PLA1A: variants seen among roughly 807,000 people sequenced by gnomAD.
PLA1A encodes phosphatidylserine-specific phospholipase A1alpha.
In PLA1A, 47 loss-of-function variants were observed where a neutral mutation model predicts 49.4. The observed-to-expected ratio is 0.95, with a 90% CI of 0.75 to 1.21. The LOEUF (loss-of-function observed/expected upper bound fraction) is 1.21, where lower values mean the gene tolerates loss of function less well. Among genes scored for constraint, PLA1A ranks in the 50% most tolerant of loss-of-function variants. PLA1A has a pLI of 0.00. For synonymous variants in PLA1A, 224 were observed against 207.9 expected (o/e 1.08, Z -0.67); for missense variants, 561 against 563.9 (o/e 0.99, Z 0.05).
intron 1 of PLA1A, among the ~76,000 whole-genome samples, chr3:119,600,805 T>G (rs2082608305): frequency 6.6e-6 from 1 of 152,192 alleles, no homozygotes; most frequent in African/African-American, 2.4e-5. Flanking sequence ...ATAGCACAGC[T>G]CTGTCTGTGG....
At chr3:119,604,794 C>T (rs114411652) in intron 1 of PLA1A, among the ~76,000 whole-genome samples, 11 of 152,258 alleles carry the variant, frequency 7.2e-5, no homozygotes, top group African/African-American at 2.6e-4. Context: ...AGGAGTTTCT[C>T]TTTGTAATGG....
rs368245262 is a variant in PLA1A, at chr3:119,608,807, A to G, written c.313A>G (p.Ile105Val). 1 of 1,613,868 alleles carries G rather than the reference A, an allele frequency of 6.2e-7. No individual in the cohort carries two copies. Among genetic ancestry groups the G allele is most frequent in the Non-Finnish European group, 8.5e-7 (1 of 1,179,900 alleles). ...AAAGCCTTCCTGGATTGACACATTTATTAGAACCCTTCTGCGTGCAACGAA... is the reference window on the plus strand; with the variant it reads ...AAAGCCTTCCTGGATTGACACATTTGTTAGAACCCTTCTGCGTGCAACGAA... ...GTKPSWIDTF[I>V]RTLLRATNAN... Residue 105 changes from isoleucine to valine, a missense_variant, in exon 3 of 11, where the codon ATT (isoleucine) becomes GTT (valine). By Grantham distance (29) the Ile-to-Val change is conservative. Transcript: ENST00000273371.
chr3:119,625,207 A>T lies in PLA1A; in HGVS notation c.1096A>T (p.Ile366Phe). 1 of 1,611,374 alleles carries T rather than the reference A, an allele frequency of 6.2e-7. No individual in the cohort carries two copies. Among genetic ancestry groups the T allele is most frequent in the Non-Finnish European group, 8.5e-7 (1 of 1,177,502 alleles). ...NIEVTFLSSN[I>F]TSSSKITIPK... ...CGAGGTTACCTTCCTTAGCAGTAAC[A>T]TCACCTCTTCATCTAAGATCACCAT... Residue 366 changes from isoleucine to phenylalanine, a missense_variant, in exon 9 of 11, where the codon ATC becomes TTC. Physicochemically the swap from Ile to Phe is conservative, Grantham distance 21. Coordinates refer to ENST00000273371, the MANE Select transcript of PLA1A (RefSeq NM_015900.4).
intron 9 of PLA1A, among the ~76,000 whole-genome samples, chr3:119,625,478 A>G (rs979019921): frequency 5.3e-5 from 8 of 152,188 alleles, no homozygotes; most frequent in Non-Finnish European, 1.2e-4. Flanking sequence ...CAGGGATGGC[A>G]TGTCCCAACA....
At chr3:119,627,099 T>C (rs1457951846) in intron 9 of PLA1A, among the ~76,000 whole-genome samples, 1 of 152,136 alleles carries the variant, frequency 6.6e-6, no homozygotes, top group Non-Finnish European at 1.5e-5. Context: ...GCTCCACAGC[T>C]ACATTTTAAA....
chr3:119,598,822 C>T (rs980994857), intron 1 of PLA1A, among the ~76,000 whole-genome samples: 1 of 152,128 alleles, frequency 6.6e-6, no homozygotes, highest in South Asian at 2.1e-4. Context: ...TTCCTATCTC[C>T]CTTGTACTCA....
At position 119,606,860 on chromosome 3, in the gene PLA1A, C is replaced by A; in HGVS notation, c.160C>A (p.Leu54Ile). The change falls in exon 2 of 11, where the codon CTC becomes ATC. Residue 54 changes from leucine to isoleucine, a missense_variant. By Grantham distance (5) the Leu-to-Ile change is conservative. Coordinates refer to ENST00000273371, the MANE Select transcript of PLA1A (RefSeq NM_015900.4). ...FEGTDLKVQF[L>I]LFVPSNPSCG... ...AGGCACCGATCTCAAAGTCCAGTTT[C>A]TCCTCTTTGTCCCTTCGAATCCTAG... The A allele has an allele frequency of 6.2e-7, 1 of 1,614,174 alleles. No individual in the cohort carries two copies. Among genetic ancestry groups the A allele is most frequent in the Non-Finnish European group, 8.5e-7 (1 of 1,180,026 alleles).
intron 1 of PLA1A, among the ~76,000 whole-genome samples, chr3:119,604,514 G>A (rs543957915): frequency 1.3e-5 from 2 of 152,274 alleles, no homozygotes; most frequent in East Asian, 1.9e-4. Flanking sequence ...CCAAGCACAG[G>A]AAGACAAATA....
At chr3:119,612,788 TC>T (rs921976367) in intron 4 of PLA1A, among the ~76,000 whole-genome samples, 3 of 151,988 alleles carry the variant, frequency 2.0e-5, no homozygotes, top group Non-Finnish European at 4.4e-5. Context: ...GCGCCCAGCC[TC>T]AAGCTCATCT....
chr3:119,610,166 T>C (rs372359566), intron 4 of PLA1A, among the ~76,000 whole-genome samples: 1 of 152,248 alleles, frequency 6.6e-6, no homozygotes, highest in African/African-American at 2.4e-5. Context: ...CATTCTTTTT[T>C]ATAGCTGTGT....
At chr3:119,623,982 C>T (rs1362146430) in intron 8 of PLA1A, among the ~76,000 whole-genome samples, 1 of 152,272 alleles carries the variant, frequency 6.6e-6, no homozygotes, top group East Asian at 1.9e-4. Context: ...GCCTTGGCCT[C>T]CCAAAGTGCT....
chr3:119,627,125 T>G (rs1463118332), intron 9 of PLA1A, among the ~76,000 whole-genome samples: 1 of 152,146 alleles, frequency 6.6e-6, no homozygotes, highest in East Asian at 1.9e-4. Flanking sequence ...CCCGAGTAAT[T>G]CCAGTCAACA....
intron 8 of PLA1A, among the ~76,000 whole-genome samples, chr3:119,621,909 G>A (rs951750167): frequency 5.3e-5 from 8 of 152,126 alleles, no homozygotes; most frequent in Non-Finnish European, 7.3e-5. Context: ...CTCCCTTGGG[G>A]CCTCCAGGGT....
chr3:119,622,523 T>C (rs972521277), intron 8 of PLA1A, among the ~76,000 whole-genome samples: 2 of 152,188 alleles, frequency 1.3e-5, no homozygotes, highest in Non-Finnish European at 2.9e-5. Context: ...TGGCACCTTT[T>C]GGTGAGCCCT....
intron 1 of PLA1A, among the ~76,000 whole-genome samples, chr3:119,601,321 G>A (rs2082615914): frequency 6.6e-6 from 1 of 152,204 alleles, no homozygotes; most frequent in Non-Finnish European, 1.5e-5. Flanking sequence ...TGGGAACCAT[G>A]AGCAGCCCAG....
chr3:119,603,792 A>G (rs538593921), intron 1 of PLA1A, among the ~76,000 whole-genome samples: 5 of 152,386 alleles, frequency 3.3e-5, no homozygotes, highest in African/African-American at 9.6e-5. Flanking sequence ...GAATGAAGCA[A>G]GGCAAAGAAA....
In PLA1A at chr3:119,619,661, G is replaced by A. The variant is rs1275476063; in HGVS notation, c.1012+9G>A. The A allele has an allele frequency of 6.4e-7, 1 of 1,573,148 alleles. No individual in the cohort carries two copies. Among genetic ancestry groups the A allele is most frequent in the Non-Finnish European group, 8.8e-7 (1 of 1,142,422 alleles). On this transcript the variant is annotated intron_variant, in intron 8 of 10. Transcript: ENST00000273371. ...CAGTGCTCCGTACTGCAGTGAGTAGGGGGAAATGCATGAGCTCAGCTCTGC... is the reference window on the plus strand; with the variant it reads ...CAGTGCTCCGTACTGCAGTGAGTAGAGGGAAATGCATGAGCTCAGCTCTGC...
chr3:119,626,434 G>A (rs1473316013), intron 9 of PLA1A, among the ~76,000 whole-genome samples: 1 of 152,206 alleles, frequency 6.6e-6, no homozygotes, highest in Non-Finnish European at 1.5e-5. Flanking sequence ...GAAATGATGA[G>A]CAGGCTTTCC....
At chr3:119,603,357 A>G (rs145553244) in intron 1 of PLA1A, among the ~76,000 whole-genome samples, 3 of 152,340 alleles carry the variant, frequency 2.0e-5, no homozygotes, top group Non-Finnish European at 2.9e-5. Context: ...GAACTTACCA[A>G]TTGTATGTGG....
Sources: gnomAD v4.1 joint callset for allele counts (sites outside exome capture counted in the v4.1 genomes callset) on GRCh38, gnomAD v4.1.1 for gene constraint, MANE v1.5 for transcripts, NCBI Gene and HGNC (gene_info 2026-07-23, HGNC 2026-07-21) for gene names.